Variants in CACNA2D3 observed in about 807,000 individuals in gnomAD.
CACNA2D3 encodes calcium voltage-gated channel auxiliary subunit alpha2delta 3, also known as voltage-dependent calcium channel subunit alpha-2/delta-3.
In CACNA2D3, 60 loss-of-function variants were observed where a neutral mutation model predicts 160.6. The ratio of observed to expected loss-of-function variants is 0.37; its 90% CI spans 0.30 to 0.46. CACNA2D3 has a LOEUF of 0.46. CACNA2D3 is among the 20% of genes least tolerant of loss of function. CACNA2D3 has a pLI of 1.00. For missense variants in CACNA2D3, 1,205 were observed against 1,365.0 expected (o/e 0.88, Z 1.85); for synonymous variants, 558 against 492.9 (o/e 1.13, Z -1.75).
intron 11 of CACNA2D3, among the ~76,000 whole-genome samples, chr3:54,694,935 T>A (rs1700637154): frequency 6.6e-6 from 1 of 152,218 alleles, no homozygotes; most frequent in Non-Finnish European, 1.5e-5. Flanking sequence ...CTATAAACGC[T>A]TTTCACAAAG....
chr3:54,123,511 A>G lies in CACNA2D3; in HGVS notation c.123-2A>G. 1 of 1,612,496 alleles carries G rather than the reference A, an allele frequency of 6.2e-7. No individual in the cohort carries two copies. The highest frequency in any genetic ancestry group is 8.5e-7 in the Non-Finnish European group (1 of 1,178,666). ...ATCTTCCTGTGCCCCTTCTCCCTGT[A>G]GGGTGAAGCTCTGGGCCTCGGCTTT... On this transcript the variant is annotated splice_acceptor_variant, in intron 1 of 37. Transcript: ENST00000474759. LOFTEE classifies it high-confidence loss of function.
intron 2 of CACNA2D3, among the ~76,000 whole-genome samples, chr3:54,311,199 CAG>C (rs1019395418): frequency 1.9e-4 from 29 of 152,146 alleles, no homozygotes; most frequent in African/African-American, 6.3e-4. Flanking sequence ...CTGAGGGAGA[CAG>C]AGTAGGAACT....
At chr3:54,765,074 T>A (rs919911345) in intron 13 of CACNA2D3, among the ~76,000 whole-genome samples, 1 of 152,174 alleles carries the variant, frequency 6.6e-6, no homozygotes, top group Non-Finnish European at 1.5e-5. Flanking sequence ...ACAGGGCCTC[T>A]CTCCAGTCAT....
chr3:54,648,403 G>A (rs996670114), intron 11 of CACNA2D3, among the ~76,000 whole-genome samples: 6 of 152,188 alleles, frequency 3.9e-5, no homozygotes, highest in Non-Finnish European at 7.3e-5. Flanking sequence ...CAGATGGCCC[G>A]TGAAGCCTGA....
rs572061783 is a variant in CACNA2D3 at position 54,777,517 on chromosome 3, A to G, written c.1380+13166A>G. Among the ~76,000 whole-genome samples the G allele has an allele frequency of 1.1e-4, 16 of 152,380 alleles. No individual in the cohort carries two copies. The East Asian group carries it at 2.3e-3, about 22-fold the overall frequency. On this transcript the variant is annotated intron_variant, in intron 13 of 37. Coordinates refer to ENST00000474759, the MANE Select transcript of CACNA2D3 (RefSeq NM_018398.3). Reference sequence around the variant, plus strand: ...AGTAGTTTATTCAGGCAGAAGGAACATGCTTTTAAATCAATTTTCATTATG... The same window carrying G: ...AGTAGTTTATTCAGGCAGAAGGAACGTGCTTTTAAATCAATTTTCATTATG...
At chr3:54,571,731 A>T (rs564529527) in intron 8 of CACNA2D3, among the ~76,000 whole-genome samples, 49 of 152,072 alleles carry the variant, frequency 3.2e-4, no homozygotes, top group African/African-American at 8.2e-4. Flanking sequence ...GTTGCTATGG[A>T]CAATGGAGGC....
rs1312956706 is a variant in CACNA2D3 at position 54,871,575 on chromosome 3, A to G, written c.1663A>G (p.Ser555Gly). 1 of 1,613,698 alleles carries G rather than the reference A, an allele frequency of 6.2e-7. No individual in the cohort carries two copies. Among genetic ancestry groups the G allele is most frequent in the Non-Finnish European group, 8.5e-7 (1 of 1,179,648 alleles). ...AAAAAAGCGAAGGAAACCTAACTAT[A>G]GTAGCGTTGACCTCTCTGAGGTGGA... ...EGKKRRKPNYSSVDLSEVEWE... is the reference protein window; with the variant it reads ...EGKKRRKPNYGSVDLSEVEWE... The change falls in exon 18 of 38, where the codon AGT becomes GGT. Residue 555 changes from serine (S) to glycine (G), a missense_variant. Ser to Gly is a moderately conservative substitution (Grantham distance 56). Coordinates refer to ENST00000474759, the MANE Select transcript of CACNA2D3 (RefSeq NM_018398.3).
chr3:54,861,453 G>A (rs1176337311), intron 17 of CACNA2D3, among the ~76,000 whole-genome samples: 1 of 152,118 alleles, frequency 6.6e-6, no homozygotes, highest in Non-Finnish European at 1.5e-5. Flanking sequence ...GCAAGCAGAG[G>A]CCAAGTCACA....
intron 2 of CACNA2D3, among the ~76,000 whole-genome samples, chr3:54,283,425 A>C (rs1012287211): frequency 3.3e-5 from 5 of 152,192 alleles, no homozygotes; most frequent in Non-Finnish European, 7.3e-5. Context: ...GCATATCTGC[A>C]CTCTTTTAGC....
At chr3:55,039,940 T>C (rs758539509) in intron 35 of CACNA2D3, among the ~76,000 whole-genome samples, 1 of 152,158 alleles carries the variant, frequency 6.6e-6, no homozygotes, top group Non-Finnish European at 1.5e-5. Flanking sequence ...TACTTGTACC[T>C]TGTTTAAGTC....
At chr3:54,619,561 C>T (rs942699335) in intron 9 of CACNA2D3, among the ~76,000 whole-genome samples, 8 of 152,228 alleles carry the variant, frequency 5.3e-5, no homozygotes, top group Non-Finnish European at 1.0e-4. Context: ...TTGTTACACA[C>T]ACGTAAAGGA....
intron 2 of CACNA2D3, among the ~76,000 whole-genome samples, chr3:54,127,870 G>A (rs561680775): frequency 6.6e-6 from 1 of 152,204 alleles, no homozygotes; most frequent in East Asian, 1.9e-4. Context: ...AGTTACTCAT[G>A]ACCACTTGCT....
chr3:54,866,160 C>A (rs902907833), intron 17 of CACNA2D3, among the ~76,000 whole-genome samples: 9 of 151,952 alleles, frequency 5.9e-5, no homozygotes, highest in African/African-American at 2.2e-4. Context: ...GGCACAGAGC[C>A]TGAGAAATAT....
intron 3 of CACNA2D3, among the ~76,000 whole-genome samples, chr3:54,322,657 G>A (rs1323481333): frequency 6.6e-6 from 1 of 152,150 alleles, no homozygotes; most frequent in African/African-American, 2.4e-5. Context: ...AACATTTGCT[G>A]TTACAGCTGG....
At chr3:54,831,232 G>A (rs1420199966) in intron 14 of CACNA2D3, among the ~76,000 whole-genome samples, 1 of 152,156 alleles carries the variant, frequency 6.6e-6, no homozygotes, top group African/African-American at 2.4e-5. Context: ...TCTGGCAGGC[G>A]GCTCCGCTGA....
intron 27 of CACNA2D3, among the ~76,000 whole-genome samples, chr3:54,962,564 T>G (rs1702055547): frequency 6.6e-6 from 1 of 152,206 alleles, no homozygotes; most frequent in African/African-American, 2.4e-5. Context: ...CCCACAAAAA[T>G]TCTGTTCAGA....
intron 13 of CACNA2D3, among the ~76,000 whole-genome samples, chr3:54,793,874 A>G (rs1220745175): frequency 2.6e-5 from 4 of 152,158 alleles, no homozygotes; most frequent in African/African-American, 7.2e-5. Flanking sequence ...TTTGTGGGGA[A>G]GTTCCTCATT....
chr3:54,931,849 G>T (rs917698994), intron 27 of CACNA2D3, among the ~76,000 whole-genome samples: 1 of 152,134 alleles, frequency 6.6e-6, no homozygotes, highest in Non-Finnish European at 1.5e-5. Flanking sequence ...AATCCAGCAT[G>T]TAATAGCTCT....
At chr3:54,763,759 A>G (rs1259205465) in intron 12 of CACNA2D3, among the ~76,000 whole-genome samples, 1 of 33,150 alleles carries the variant, frequency 3.0e-5, no homozygotes, top group Non-Finnish European at 8.0e-5. Context: ...ATATATATAC[A>G]CATATATATG....
Sources: gnomAD v4.1 joint callset for allele counts (sites outside exome capture counted in the v4.1 genomes callset) on GRCh38, gnomAD v4.1.1 for gene constraint, MANE v1.5 for transcripts, NCBI Gene and HGNC (gene_info 2026-07-23, HGNC 2026-07-21) for gene names.